Variants in USP12 observed in about 807,000 individuals in gnomAD.
USP12 encodes ubiquitin carboxyl-terminal hydrolase 12.
USP12 carries 19 observed loss-of-function variants against 45.5 expected under a neutral mutation model. That is an observed-to-expected ratio of 0.42 (90% CI 0.29 to 0.61). The LOEUF is 0.61. USP12 is among the 20% of genes least tolerant of loss of function. The pLI is 0.22. For synonymous variants in USP12, 149 were observed against 148.8 expected, an observed-to-expected ratio of 1.00 and a Z score of -0.01; for missense variants, 242 against 447.7, an observed-to-expected ratio of 0.54 and a Z score of 4.15.
At chr13:27,100,312 T>C (rs78235577) in intron 3 of USP12, among the ~76,000 whole-genome samples, 3,562 of 152,290 alleles carry the variant, frequency 0.023, 150 homozygotes, top group African/African-American at 0.082. Context: ...TCCTTTCTCA[T>C]CCTTGGGATT....
chr13:27,109,428 G>T (rs1172842493), intron 2 of USP12, among the ~76,000 whole-genome samples: 1 of 152,134 alleles, frequency 6.6e-6, no homozygotes, highest in Non-Finnish European at 1.5e-5. Flanking sequence ...CAACAGTCAG[G>T]CAATGAAAGA....
intron 2 of USP12, among the ~76,000 whole-genome samples, chr13:27,107,651 T>C (rs1237800666): frequency 6.6e-6 from 1 of 152,212 alleles, no homozygotes; most frequent in Non-Finnish European, 1.5e-5. Flanking sequence ...TTGTGTTCTC[T>C]AAACACCCTT....
chr13:27,141,756 T>C (rs974998119), intron 1 of USP12, among the ~76,000 whole-genome samples: 2 of 152,180 alleles, frequency 1.3e-5, no homozygotes, highest in Admixed American at 6.5e-5. Context: ...GTCCTACTAC[T>C]AGTAGAGGTT....
At chr13:27,121,953 A>G (rs992673672) in intron 1 of USP12, among the ~76,000 whole-genome samples, 6 of 152,218 alleles carry the variant, frequency 3.9e-5, no homozygotes, top group African/African-American at 1.4e-4. Context: ...TGATTATAAG[A>G]ACAAAGATGA....
In USP12 at chr13:27,095,707, C is replaced by A. The variant is rs375660025; in HGVS notation, c.467G>T (p.Gly156Val). ...GTTATTATTTTCATTATCAATATTA[C>A]CATTAGGTAAACGACCATTTTGTTT... ...QEKQNGRLPN[G>V]NIDNENNNST... Residue 156 changes from glycine to valine, a missense_variant, in exon 4 of 9, where the codon GGT (glycine) becomes GTT (valine). Gly to Val is a moderately radical substitution (Grantham distance 109). Around this residue, in one of 5 missense-constraint regions of USP12, gnomAD observed 40 missense variants for 38.6 expected, o/e 1.04. Transcript: ENST00000282344. 2 of 1,613,124 alleles carry A rather than the reference C, an allele frequency of 1.2e-6. No homozygotes were observed. The highest frequency in any genetic ancestry group is 1.7e-6 in the Non-Finnish European group (2 of 1,179,538).
chr13:27,147,324 T>G (rs1382879615), intron 1 of USP12, among the ~76,000 whole-genome samples: 2 of 152,182 alleles, frequency 1.3e-5, no homozygotes, highest in Non-Finnish European at 2.9e-5. Context: ...TTATTTTAGT[T>G]TGTTTCCAAT....
At chr13:27,149,371 T>G (rs370841411) in intron 1 of USP12, among the ~76,000 whole-genome samples, 1 of 152,226 alleles carries the variant, frequency 6.6e-6, no homozygotes, top group African/African-American at 2.4e-5. Flanking sequence ...TACTCAATAC[T>G]GTACCATAGG....
At chr13:27,131,831 T>C (rs1876516498) in intron 1 of USP12, among the ~76,000 whole-genome samples, 1 of 152,242 alleles carries the variant, frequency 6.6e-6, no homozygotes, top group Non-Finnish European at 1.5e-5. Flanking sequence ...TTAACGGTTT[T>C]AGTTCTTAAT....
intron 6 of USP12, among the ~76,000 whole-genome samples, chr13:27,081,462 T>G (rs1447135554): frequency 6.6e-6 from 1 of 152,214 alleles, no homozygotes; most frequent in African/African-American, 2.4e-5. Context: ...TCTTGTTCTC[T>G]TGCTGTTTCC....
chr13:27,085,615 T>A (rs982721750), intron 6 of USP12, among the ~76,000 whole-genome samples: 2 of 152,086 alleles, frequency 1.3e-5, no homozygotes, highest in Non-Finnish European at 2.9e-5. Flanking sequence ...AAATATTAAA[T>A]GAATTGCTCA....
chr13:27,100,566 C>T (rs187760137), intron 3 of USP12, among the ~76,000 whole-genome samples: 5 of 152,298 alleles, frequency 3.3e-5, no homozygotes, highest in Admixed American at 1.3e-4. Flanking sequence ...GCCTCCTGCA[C>T]CAACCTTGAC....
intron 7 of USP12, 108 bp downstream of exon 7, chr13:27,075,083 T>C: frequency 1.0e-6 from 1 of 1,004,856 alleles, no homozygotes; most frequent in Non-Finnish European, 1.4e-6. Context: ...CTTGAGAGAA[T>C]ACAGAATTTC....
chr13:27,084,497 G>GAAA (rs397851869), intron 6 of USP12, among the ~76,000 whole-genome samples: 8 of 98,478 alleles, frequency 8.1e-5, no homozygotes, highest in African/African-American at 1.2e-4. Context: ...ACAGTGAGAT[G>GAAA]AAAAAAAAAA....
chr13:27,123,267 T>C (rs1751773), intron 1 of USP12, among the ~76,000 whole-genome samples: 142,639 of 152,234 alleles, frequency 0.94, 67,170 homozygotes, highest in Non-Finnish European at 0.98. Flanking sequence ...AAATCATTCT[T>C]TCCAGACCTC....
At chr13:27,071,029 T>G in intron 8 of USP12, 42 bp downstream of exon 8, 6 of 1,505,936 alleles carry the variant, frequency 4.0e-6, no homozygotes, top group Non-Finnish European at 5.4e-6. Flanking sequence ...AAGCAACATA[T>G]GCATACAACT....
chr13:27,147,142 G>C (rs1259640255), intron 1 of USP12, among the ~76,000 whole-genome samples: 1 of 152,132 alleles, frequency 6.6e-6, no homozygotes, highest in Non-Finnish European at 1.5e-5. Context: ...TCAATTTACG[G>C]TATCTGTTAG....
In USP12 at chr13:27,110,328, A is replaced by G. The variant is rs184448998; in HGVS notation, c.130-4384T>C. Among the ~76,000 whole-genome samples, 493 of 152,310 alleles carry G rather than the reference A, an allele frequency of 3.2e-3. 1 individual carries two copies. Among genetic ancestry groups the G allele is most frequent in the Non-Finnish European group, 5.1e-3 (348 of 68,030 alleles). ...CATTGCAAATAAAGGACCTAACCAG[A>G]TAAGTTCATAGGGAAGACAGACACT... On this transcript the variant is annotated intron_variant, in intron 2 of 8. Transcript: ENST00000282344.
rs997840908 is a variant in USP12, at chr13:27,095,713, G to A, written c.461C>T (p.Pro154Leu). ...ATTTTCATTATCAATATTACCATTA[G>A]GTAAACGACCATTTTGTTTTTCCTG... ...RKQEKQNGRLPNGNIDNENNN... is the reference protein window; with the variant it reads ...RKQEKQNGRLLNGNIDNENNN... The change falls in exon 4 of 9, where the codon CCT becomes CTT. Residue 154 changes from proline to leucine, a missense_variant. Physicochemically the swap from Pro to Leu is moderately conservative, Grantham distance 98 (BLOSUM62 -3). Coordinates refer to ENST00000282344, the MANE Select transcript of USP12 (RefSeq NM_182488.4). The A allele has an allele frequency of 1.2e-6, 2 of 1,612,950 alleles. No homozygotes were observed. The highest frequency in any genetic ancestry group is 1.7e-6 in the Non-Finnish European group (2 of 1,179,474).
At chr13:27,099,383 G>A (rs1241765943) in intron 3 of USP12, among the ~76,000 whole-genome samples, 10 of 152,130 alleles carry the variant, frequency 6.6e-5, no homozygotes, top group African/African-American at 1.2e-4. Context: ...TGGGGGTCTC[G>A]CTATGTTGTC....
Sources: gnomAD v4.1 joint callset for allele counts (sites outside exome capture counted in the v4.1 genomes callset) on GRCh38, gnomAD v4.1.1 for gene constraint, gnomAD v4.1.1 regional missense constraint, MANE v1.5 for transcripts, NCBI Gene and HGNC (gene_info 2026-07-23, HGNC 2026-07-21) for gene names.